The following USP49 variants were observed in gnomAD, a reference collection of about 807,000 sequenced individuals.
USP49 encodes ubiquitin specific peptidase 49.
A neutral mutation model predicts 58.6 loss-of-function variants in USP49; 24 were observed. That is an observed-to-expected ratio of 0.41 (90% CI 0.30 to 0.58). The LOEUF (loss-of-function observed/expected upper bound fraction) is 0.58. USP49 is among the 20% of genes least tolerant of loss of function. USP49 has a pLI of 0.30. For synonymous variants in USP49, 408 were observed against 365.1 expected, an observed-to-expected ratio of 1.12 and a Z score of -1.34; for missense variants, 703 against 866.1, an observed-to-expected ratio of 0.81 and a Z score of 2.36.
chr6:41,836,857 GCA>G (rs149924359), intron 3 of USP49, among the ~76,000 whole-genome samples: 2,065 of 146,458 alleles, frequency 0.014, 39 homozygotes, highest in African/African-American at 0.048. Flanking sequence ...ACACACACAC[GCA>G]CACACACACA....
intron 3 of USP49, among the ~76,000 whole-genome samples, chr6:41,841,628 C>T (rs890146943): frequency 2.0e-4 from 30 of 152,162 alleles, no homozygotes; most frequent in African/African-American, 7.0e-4. Context: ...TTATTGTAAG[C>T]AGGGTAGCTG....
chr6:41,810,550 CTT>C (rs113292186), intron 3 of USP49, among the ~76,000 whole-genome samples: 194 of 139,012 alleles, frequency 1.4e-3, no homozygotes, highest in Middle Eastern at 3.5e-3. Context: ...GATAGTTCCT[CTT>C]TTTTTTTTTT....
intron 3 of USP49, among the ~76,000 whole-genome samples, chr6:41,826,562 C>G (rs1005859920): frequency 6.6e-6 from 1 of 151,296 alleles, no homozygotes. Flanking sequence ...TGAGCAGGTT[C>G]AAGAAATAAG....
chr6:41,877,414 T>G (rs923025405), intron 2 of USP49, among the ~76,000 whole-genome samples: 1 of 152,228 alleles, frequency 6.6e-6, no homozygotes, highest in African/African-American at 2.4e-5. Flanking sequence ...ATTTACAGTA[T>G]ACATGGAATG....
intron 2 of USP49, chr6:41,874,137 C>T (rs1212686176): frequency 6.6e-6 from 1 of 152,172 alleles, no homozygotes; most frequent in Non-Finnish European, 1.5e-5. Context: ...GCAAGAAGAG[C>T]ACATGATGTG....
intron 3 of USP49, among the ~76,000 whole-genome samples, chr6:41,830,391 G>A (rs1298372230): frequency 6.6e-6 from 1 of 152,114 alleles, no homozygotes; most frequent in African/African-American, 2.4e-5. Flanking sequence ...CCAAGTCTTG[G>A]GAAATTATGC....
chr6:41,894,837 ACTC>A (rs1356949540), intron 1 of USP49, among the ~76,000 whole-genome samples: 1 of 143,178 alleles, frequency 7.0e-6, no homozygotes, highest in African/African-American at 2.6e-5. Flanking sequence ...GCTTTTTCTC[ACTC>A]CTCCTCTCCC....
intron 3 of USP49, among the ~76,000 whole-genome samples, chr6:41,816,049 G>A (rs866886000): frequency 3.9e-5 from 6 of 152,234 alleles, no homozygotes; most frequent in Non-Finnish European, 8.8e-5. Flanking sequence ...AACACCTGAC[G>A]TGGCACAAAT....
chr6:41,836,647 G>T (rs976674879), intron 3 of USP49, among the ~76,000 whole-genome samples: 3 of 151,940 alleles, frequency 2.0e-5, no homozygotes, highest in African/African-American at 7.2e-5. Flanking sequence ...AAAGTAAATC[G>T]ATAAATAAAA....
chr6:41,852,672 T>G (rs769046966), intron 3 of USP49, among the ~76,000 whole-genome samples: 3 of 152,166 alleles, frequency 2.0e-5, no homozygotes, highest in Non-Finnish European at 4.4e-5. Flanking sequence ...ACAGATTCGA[T>G]GCAAGCCCTA....
chr6:41,876,486 G>A (rs539784496), intron 2 of USP49, among the ~76,000 whole-genome samples: 54 of 152,038 alleles, frequency 3.6e-4, no homozygotes, highest in African/African-American at 1.2e-3. Context: ...GCACAATCTC[G>A]GCTCACTGCA....
intron 3 of USP49, among the ~76,000 whole-genome samples, chr6:41,817,985 T>C (rs1186468103): frequency 6.6e-6 from 1 of 152,224 alleles, no homozygotes; most frequent in Non-Finnish European, 1.5e-5. Flanking sequence ...GGTATACTAC[T>C]ATTAATGATA....
At chr6:41,837,325 T>C (rs965334097) in intron 3 of USP49, among the ~76,000 whole-genome samples, 2 of 152,138 alleles carry the variant, frequency 1.3e-5, no homozygotes, top group Non-Finnish European at 2.9e-5. Context: ...AACCATCTGA[T>C]ACTCAACAAA....
chr6:41,801,700 T>G (rs1157519812), intron 5 of USP49, among the ~76,000 whole-genome samples: 1 of 152,176 alleles, frequency 6.6e-6, no homozygotes, highest in East Asian at 1.9e-4. Flanking sequence ...AAAAAGAAAT[T>G]ACTGATTCAA....
intron 3 of USP49, among the ~76,000 whole-genome samples, chr6:41,827,801 T>C (rs1773567518): frequency 6.6e-6 from 1 of 152,156 alleles, no homozygotes; most frequent in Non-Finnish European, 1.5e-5. Flanking sequence ...CCAGGCACTG[T>C]TCTGAAACTT....
At chr6:41,818,326 A>C (rs1388127031) in intron 3 of USP49, among the ~76,000 whole-genome samples, 1 of 152,192 alleles carries the variant, frequency 6.6e-6, no homozygotes, top group Non-Finnish European at 1.5e-5. Flanking sequence ...TTCTGAATAC[A>C]CTGGGAGAGC....
chr6:41,794,071 T>C lies in USP49; in HGVS notation c.*2462A>G, dbSNP rs949170797. 6.6e-6 allele frequency: 1 copy of C among 152,222 alleles called. No homozygotes were observed. Among genetic ancestry groups the C allele is most frequent in the African/African-American group, 2.4e-5 (1 of 41,470 alleles). 9.4% of individuals were successfully genotyped at this position (152,222 alleles called of 1,614,324 possible). A position where few individuals can be genotyped will look rare whatever the true frequency, so the allele number is the denominator to read the frequency against. On this transcript the variant is annotated 3_prime_UTR_variant, in exon 8 of 8. Coordinates refer to ENST00000682992, the MANE Select transcript of USP49 (RefSeq NM_001286554.2). ...AGGCAAAGGGACATTTCCCTCACAA[T>C]AGCCATTGGCTTATGCAGCAGGGAA...
chr6:41,816,218 A>G (rs997513227), intron 3 of USP49, among the ~76,000 whole-genome samples: 2 of 152,168 alleles, frequency 1.3e-5, no homozygotes, highest in Non-Finnish European at 2.9e-5. Flanking sequence ...CCTTGACACT[A>G]TTTTTAGATT....
At chr6:41,843,170 T>C (rs920855152) in intron 3 of USP49, among the ~76,000 whole-genome samples, 2 of 152,202 alleles carry the variant, frequency 1.3e-5, no homozygotes, top group African/African-American at 4.8e-5. Context: ...CCACCACGCC[T>C]GGCTAAGTAT....
Sources: gnomAD v4.1 joint callset for allele counts (sites outside exome capture counted in the v4.1 genomes callset) on GRCh38, gnomAD v4.1.1 for gene constraint, MANE v1.5 for transcripts, NCBI Gene and HGNC (gene_info 2026-07-23, HGNC 2026-07-21) for gene names.